The following RAD51C variants were observed in gnomAD, a reference collection of about 807,000 sequenced individuals.
The protein encoded by RAD51C is DNA repair protein RAD51 homolog 3.
In RAD51C, 42 loss-of-function variants were observed where a neutral mutation model predicts 45.0. The observed-to-expected ratio is 0.93, with a 90% CI of 0.73 to 1.21. The LOEUF is 1.21. Among genes scored for constraint, RAD51C ranks in the 50% most tolerant of loss-of-function variants. The pLI, the probability that RAD51C is intolerant of heterozygous loss-of-function variation, is 0.00. For missense variants in RAD51C, 474 were observed against 452.2 expected (o/e 1.05, Z -0.44); for synonymous variants, 172 against 159.8 (o/e 1.08, Z -0.58).
chr17:58,692,764 G>C lies in RAD51C; in HGVS notation c.121G>C (p.Val41Leu), dbSNP rs879254131. 1.9e-6 allele frequency: 3 copies of C among 1,614,104 alleles called. No individual in the cohort carries two copies. In the African/African-American group the frequency reaches 4.0e-5, roughly 22 times the overall value. ...CCAGACTGCTGAGGAACTCCTAGAG[G>C]TGAAACCCTCCGAGCTTAGCAAAGG... is the stretch of plus-strand genomic sequence containing the variant. ...GFQTAEELLE[V>L]KPSELSKEVG... Residue 41 changes from valine to leucine, a missense_variant, in exon 1 of 9, where the codon GTG (valine) becomes CTG (leucine). Transcript: ENST00000337432.
intron 7 of RAD51C, among the ~76,000 whole-genome samples, chr17:58,727,725 G>A (rs1359048307): frequency 6.6e-6 from 1 of 151,984 alleles, no homozygotes; most frequent in African/African-American, 2.4e-5. Context: ...CCCAGAAGTT[G>A]GAGAACAGCC....
chr17:58,722,065 C>T (rs2048936142), intron 6 of RAD51C, among the ~76,000 whole-genome samples: 2 of 152,126 alleles, frequency 1.3e-5, no homozygotes, highest in African/African-American at 2.4e-5. Context: ...ATGCCCTCAG[C>T]ACACTATGAT....
chr17:58,720,429 A>T (rs1240316963), intron 5 of RAD51C, among the ~76,000 whole-genome samples: 3 of 151,760 alleles, frequency 2.0e-5, no homozygotes, highest in Non-Finnish European at 4.4e-5. Context: ...AAAAAAAATA[A>T]AATAAAAAAT....
chr17:58,713,238 T>C (rs1303895424), intron 5 of RAD51C, among the ~76,000 whole-genome samples: 1 of 152,232 alleles, frequency 6.6e-6, no homozygotes, highest in Non-Finnish European at 1.5e-5. Flanking sequence ...ATACTACTTT[T>C]TTTTTCCATG....
chr17:58,734,019 G>T, intron 8 of RAD51C, 99 bp from the exon 9 acceptor site: 1 of 1,521,100 alleles, frequency 6.6e-7, no homozygotes, highest in Non-Finnish European at 8.9e-7. Flanking sequence ...CCTGGCCCTA[G>T]AATAAAGTAG....
At chr17:58,728,617 C>T (rs368138949) in intron 7 of RAD51C, among the ~76,000 whole-genome samples, 3 of 151,792 alleles carry the variant, frequency 2.0e-5, no homozygotes, top group South Asian at 2.1e-4. Flanking sequence ...AGGCTGGCCT[C>T]GAACTCCTAA....
intron 6 of RAD51C, among the ~76,000 whole-genome samples, chr17:58,721,314 T>G (rs1272651020): frequency 6.6e-6 from 1 of 152,032 alleles, no homozygotes; most frequent in African/African-American, 2.4e-5. Flanking sequence ...GCAACTGTTG[T>G]GTCAAAGATT....
At chr17:58,733,963 A>G (rs2049550653) in intron 8 of RAD51C, among the ~76,000 whole-genome samples, 155 bp from the exon 9 acceptor site, 1 of 151,972 alleles carries the variant, frequency 6.6e-6, no homozygotes, top group Non-Finnish European at 1.5e-5. Flanking sequence ...TGATCTGCCC[A>G]CCTCAGCCTC....
intron 4 of RAD51C, 111 bp downstream of exon 4, chr17:58,703,440 G>A: frequency 8.4e-7 from 1 of 1,194,804 alleles, no homozygotes; most frequent in Admixed American, 2.1e-5. Flanking sequence ...AGCCAATTGA[G>A]AAAATCTCTT....
intron 1 of RAD51C, chr17:58,693,508 A>C (rs2047873820): frequency 6.6e-6 from 1 of 152,472 alleles, no homozygotes; most frequent in African/African-American, 2.4e-5. Context: ...CTGATGGAAA[A>C]TACAGAGGTT....
intron 5 of RAD51C, 34 bp downstream of exon 5, chr17:58,710,024 AAAGTC>A: frequency 6.3e-7 from 1 of 1,583,058 alleles, no homozygotes; most frequent in African/African-American, 1.3e-5. Flanking sequence ...GTTTTATAAC[AAAGTC>A]AAGACTGTAT....
Position 58,734,284 on chromosome 17 carries a change from G to A in RAD51C, c.*62G>A. The A allele has an allele frequency of 1.3e-6, 2 of 1,568,272 alleles. No individual in the cohort carries two copies. Among genetic ancestry groups the A allele is most frequent in the Non-Finnish European group, 1.7e-6 (2 of 1,153,782 alleles). On this transcript the variant is annotated 3_prime_UTR_variant, in exon 9 of 9. Transcript: ENST00000337432. The stretch of plus-strand genomic sequence containing the variant: ...TGTTGTGAAATCAATGTGTACAAGT[G>A]GACTTGTTACCTTAAAGTATAAATA...
At chr17:58,693,553 C>T (rs559559636) in intron 1 of RAD51C, 2 of 152,192 alleles carry the variant, frequency 1.3e-5, no homozygotes, top group African/African-American at 4.8e-5. Context: ...CTCGTGGACC[C>T]AGCCTTAACT....
chr17:58,710,417 G>C (rs2048520593), intron 5 of RAD51C, among the ~76,000 whole-genome samples: 1 of 146,938 alleles, frequency 6.8e-6, no homozygotes, highest in African/African-American at 2.5e-5. Flanking sequence ...AGAATCACTT[G>C]AACCCAGGAG....
chr17:58,701,909 A>C (rs2048224705), intron 3 of RAD51C, among the ~76,000 whole-genome samples: 1 of 152,050 alleles, frequency 6.6e-6, no homozygotes, highest in South Asian at 2.1e-4. Flanking sequence ...ATTTTATATA[A>C]TTGTTGCCAG....
In RAD51C at chr17:58,702,791, A is replaced by G. The variant is rs370226290; in HGVS notation, c.572-405A>G. On this transcript the variant is annotated intron_variant, in intron 3 of 8. Coordinates refer to ENST00000337432, the MANE Select transcript of RAD51C (RefSeq NM_058216.3). ...GGCAGGAGGATCCCTTGAGCCTAGG[A>G]ATTCGAGGTTGCAGCGAGCTATGAT... 4.8e-4 allele frequency among the ~76,000 whole-genome samples: 73 copies of G among 152,046 alleles called. 1 individual carries two copies. The highest frequency in any genetic ancestry group is 4.6e-3 in the East Asian group (24 of 5,168).
intron 5 of RAD51C, among the ~76,000 whole-genome samples, chr17:58,715,880 G>T (rs2143893268): frequency 6.6e-6 from 1 of 152,264 alleles, no homozygotes; most frequent in South Asian, 2.1e-4. Flanking sequence ...CAAGCTGGGT[G>T]GATCACCTGA....
chr17:58,694,738 G>A, intron 1 of RAD51C, 193 bp from the exon 2 acceptor site: 1 of 627,264 alleles, frequency 1.6e-6, no homozygotes, highest in South Asian at 1.8e-5. Flanking sequence ...GCCTCCCAAA[G>A]TACTGGGATT....
Position 58,720,748 on chromosome 17 carries a change from A to G in RAD51C, c.840A>G (p.Val280=), listed in dbSNP as rs756503509. The G allele has an allele frequency of 2.5e-6, 4 of 1,610,154 alleles. No homozygotes were observed. In the East Asian group the frequency reaches 6.7e-5, roughly 27 times the overall value. The change falls in exon 6 of 9, where the codon GTA becomes GTG. Residue 280 remains valine, a splice_region_variant and synonymous_variant. Coordinates refer to ENST00000337432, the MANE Select transcript of RAD51C (RefSeq NM_058216.3). The part of the protein sequence containing the change: ...ISLANNHRLA[V]ILTNQMTTKI... ...TTTCTTACATTTTGTTTTTGTAGGT[A>G]ATTTTAACCAATCAGATGACAACAA...
Sources: gnomAD v4.1 joint callset for allele counts (sites outside exome capture counted in the v4.1 genomes callset) on GRCh38, gnomAD v4.1.1 for gene constraint, MANE v1.5 for transcripts, NCBI Gene and HGNC (gene_info 2026-07-23, HGNC 2026-07-21) for gene names.